Variants in CCBE1 observed in about 807,000 individuals in gnomAD.
CCBE1 encodes the protein collagen and calcium binding EGF domains 1.
In CCBE1, 37 loss-of-function variants were observed where a neutral mutation model predicts 50.0. The observed-to-expected ratio is 0.74, with a 90% CI of 0.57 to 0.97. The LOEUF is 0.97. Ranked by LOEUF, CCBE1 falls within the 50% of genes least tolerant of loss-of-function variation. The pLI is 0.00. For missense variants in CCBE1, 538 were observed against 523.8 expected (o/e 1.03, Z -0.26); for synonymous variants, 234 against 203.7 (o/e 1.15, Z -1.27).
chr18:59,550,729 GA>G (rs1186510327), intron 2 of CCBE1, among the ~76,000 whole-genome samples: 1 of 152,124 alleles, frequency 6.6e-6, no homozygotes, highest in Non-Finnish European at 1.5e-5. Flanking sequence ...CATGGAGACA[GA>G]AAAATACAGT....
intron 2 of CCBE1, among the ~76,000 whole-genome samples, chr18:59,537,085 T>C (rs1915282444): frequency 6.6e-6 from 1 of 152,096 alleles, no homozygotes; most frequent in Non-Finnish European, 1.5e-5. Context: ...CCCCTGGGTA[T>C]ATTCAGGAGA....
intron 2 of CCBE1, among the ~76,000 whole-genome samples, chr18:59,646,607 G>A (rs2054057983): frequency 6.6e-6 from 1 of 152,220 alleles, no homozygotes; most frequent in Non-Finnish European, 1.5e-5. Context: ...AGAATTTCGT[G>A]TGTATGTGAC....
chr18:59,487,305 G>C (rs1912870713), intron 2 of CCBE1, among the ~76,000 whole-genome samples: 1 of 151,862 alleles, frequency 6.6e-6, no homozygotes, highest in South Asian at 2.1e-4. Context: ...ATGATCTCCT[G>C]GGGCTAATTT....
In CCBE1 at chr18:59,658,211, T is replaced by C. The variant is rs368906456; in HGVS notation, c.212+38418A>G. Among the ~76,000 whole-genome samples the C allele has an allele frequency of 2.4e-4, 34 of 143,812 alleles. 1 individual carries two copies. Among genetic ancestry groups the C allele is most frequent in the African/African-American group, 8.0e-4 (31 of 38,738 alleles). The allele number at this position is 143,812 out of a possible 152,430, so 94.3% of individuals were successfully genotyped here. ...TCAATGGTACCTGGCACATAAGCAC[T>C]CAACAAACATTACAGGGCACAGTGG... On this transcript the variant is annotated intron_variant, in intron 2 of 10. Transcript: ENST00000439986.
chr18:59,505,701 G>A (rs1913839405), intron 2 of CCBE1, among the ~76,000 whole-genome samples: 1 of 152,192 alleles, frequency 6.6e-6, no homozygotes, highest in Non-Finnish European at 1.5e-5. Context: ...AAATATAGCA[G>A]AAATTTAGGC....
At chr18:59,570,404 A>G (rs1007094768) in intron 2 of CCBE1, among the ~76,000 whole-genome samples, 2 of 152,232 alleles carry the variant, frequency 1.3e-5, no homozygotes, top group African/African-American at 4.8e-5. Context: ...CCTCAAAGCC[A>G]GTACTTAAGA....
At chr18:59,625,802 T>C (rs1457696966) in intron 2 of CCBE1, among the ~76,000 whole-genome samples, 2 of 152,120 alleles carry the variant, frequency 1.3e-5, no homozygotes, top group African/African-American at 2.4e-5. Flanking sequence ...GTGTTGGTAC[T>C]GAGGGGTGGG....
intron 2 of CCBE1, among the ~76,000 whole-genome samples, chr18:59,562,435 GAGA>G (rs1320499331): frequency 6.6e-6 from 1 of 152,184 alleles, no homozygotes; most frequent in East Asian, 1.9e-4. Flanking sequence ...GCTGCACAGA[GAGA>G]GGCAGAGACA....
At chr18:59,665,046 T>C (rs1462639774) in intron 2 of CCBE1, among the ~76,000 whole-genome samples, 1 of 152,124 alleles carries the variant, frequency 6.6e-6, no homozygotes, top group Non-Finnish European at 1.5e-5. Flanking sequence ...AGGACCCTAG[T>C]GCAATTTTTT....
At chr18:59,518,602 G>T (rs1377303759) in intron 2 of CCBE1, among the ~76,000 whole-genome samples, 4 of 152,324 alleles carry the variant, frequency 2.6e-5, no homozygotes, top group Non-Finnish European at 5.9e-5. Flanking sequence ...ATCAGGAAAA[G>T]GTAGCTCCCC....
chr18:59,666,054 G>C (rs1255387390), intron 2 of CCBE1: 2 of 152,472 alleles, frequency 1.3e-5, no homozygotes, highest in Admixed American at 6.5e-5. Flanking sequence ...ATTTACAAAA[G>C]AAAGAGGTTT....
intron 6 of CCBE1, among the ~76,000 whole-genome samples, chr18:59,453,133 C>G (rs573561738): frequency 4.1e-4 from 62 of 152,290 alleles, no homozygotes; most frequent in African/African-American, 1.2e-3. Context: ...CTATTTAGCC[C>G]CCTGTTCCTA....
chr18:59,563,193 A>G (rs2052768156), intron 2 of CCBE1, among the ~76,000 whole-genome samples: 1 of 152,198 alleles, frequency 6.6e-6, no homozygotes, highest in Non-Finnish European at 1.5e-5. Context: ...CGAGAGACAC[A>G]AGATGGAATG....
Position 59,692,956 on chromosome 18 carries a change from GCACACACACACACACA to G in CCBE1, c.212+3657_212+3672del, listed in dbSNP as rs59496597. Among the ~76,000 whole-genome samples the G allele has an allele frequency of 1.0e-3, 90 of 86,966 alleles. 1 individual carries two copies. The highest frequency in any genetic ancestry group is 5.1e-3 in the Middle Eastern group (1 of 198). 57.1% of individuals were successfully genotyped at this position (86,966 alleles called of 152,430 possible). Reference sequence around the variant, plus strand: ...AAAAGAACCACTTTGTCAAGCCAAAGCACACACACACACACACACACACACACACACACACACACAC... The same window carrying G: ...AAAAGAACCACTTTGTCAAGCCAAAGCACACACACACACACACACACACAC... On this transcript the variant is annotated intron_variant, in intron 2 of 10. Transcript: ENST00000439986.
intron 7 of CCBE1, among the ~76,000 whole-genome samples, chr18:59,443,622 A>AC (rs1175167944): frequency 7.2e-6 from 1 of 139,026 alleles, no homozygotes; most frequent in Non-Finnish European, 1.6e-5. Flanking sequence ...GCCCACCACC[A>AC]CCCCCGGCTA....
chr18:59,697,184 G>T lies in CCBE1; in HGVS notation c.131+28C>A, dbSNP rs755103730. 2.6e-6 allele frequency: 4 copies of T among 1,547,676 alleles called. No homozygotes were observed. The Middle Eastern group carries it at 8.7e-4, about 336-fold the overall frequency. Reference sequence around the variant, plus strand: ...CCGGGCGCGCATCAAGCAGGAGCTCGCCCTCCGCTGGGGCTTGCAGCGCTT... The same window carrying T: ...CCGGGCGCGCATCAAGCAGGAGCTCTCCCTCCGCTGGGGCTTGCAGCGCTT... On this transcript the variant is annotated intron_variant, in intron 1 of 10. Transcript: ENST00000439986.
In CCBE1 at chr18:59,669,708, C is replaced by T. The variant is rs115212440; in HGVS notation, c.212+26921G>A. On this transcript the variant is annotated intron_variant, in intron 2 of 10. Coordinates refer to ENST00000439986, the MANE Select transcript of CCBE1 (RefSeq NM_133459.4). Reference sequence around the variant, plus strand: ...GAAGTGCTGGAGATGACTTCAGGTTCCCTCACATCTCTCCCCGAACTTCCG... The same window carrying T: ...GAAGTGCTGGAGATGACTTCAGGTTTCCTCACATCTCTCCCCGAACTTCCG... Among the ~76,000 whole-genome samples the T allele has an allele frequency of 7.5e-3, 1,147 of 152,324 alleles. 7 individuals are homozygous for T. The highest frequency in any genetic ancestry group is 0.024 in the African/African-American group (1,001 of 41,576).
intron 2 of CCBE1, among the ~76,000 whole-genome samples, chr18:59,495,455 AG>A: frequency 6.9e-6 from 1 of 145,524 alleles, no homozygotes; most frequent in Non-Finnish European, 1.5e-5. Context: ...TGATTTGTTC[AG>A]GTTCAGACAG....
chr18:59,498,549 A>G (rs901899682), intron 2 of CCBE1, among the ~76,000 whole-genome samples: 1 of 152,236 alleles, frequency 6.6e-6, no homozygotes, highest in African/African-American at 2.4e-5. Context: ...GTAACCTTAA[A>G]GAGTTAGAGC....
Sources: gnomAD v4.1 joint callset for allele counts (sites outside exome capture counted in the v4.1 genomes callset) on GRCh38, gnomAD v4.1.1 for gene constraint, MANE v1.5 for transcripts, NCBI Gene and HGNC (gene_info 2026-07-23, HGNC 2026-07-21) for gene names.